The following NF1 variants were observed in gnomAD, a reference collection of about 807,000 sequenced individuals.
NF1 encodes the protein neurofibromin 1.
In NF1, 122 loss-of-function variants were observed where a neutral mutation model predicts 325.7. The observed-to-expected ratio is 0.37, with a 90% CI of 0.32 to 0.44. The LOEUF is 0.44. NF1 is among the 20% of genes least tolerant of loss of function. The pLI, the probability that NF1 is intolerant of heterozygous loss-of-function variation, is 1.00. For synonymous variants in NF1, 1,091 were observed against 1,186.0 expected (o/e 0.92, Z 1.65); for missense variants, 2,140 against 3,415.4 (o/e 0.63, Z 9.31).
At chr17:31,213,203 A>C (rs1264240870) in intron 12 of NF1, among the ~76,000 whole-genome samples, 1 of 152,222 alleles carries the variant, frequency 6.6e-6, no homozygotes, top group African/African-American at 2.4e-5. Context: ...GCAAACAGTA[A>C]AACCAGAATT....
At chr17:31,305,012 A>G (rs977492881) in intron 36 of NF1, 2 of 1,614,170 alleles carry the variant, frequency 1.2e-6, no homozygotes, top group Admixed American at 1.7e-5. Context: ...ATTGAATTAT[A>G]ATTGTTTTTT....
intron 1 of NF1, among the ~76,000 whole-genome samples, chr17:31,127,938 T>C (rs1348887695): frequency 2.0e-5 from 3 of 152,046 alleles, no homozygotes. Context: ...TTTTGTACAT[T>C]GACCTCTTCT....
chr17:31,105,796 G>A, intron 1 of NF1, among the ~76,000 whole-genome samples: 1 of 152,178 alleles, frequency 6.6e-6, no homozygotes, highest in Non-Finnish European at 1.5e-5. Flanking sequence ...TTACAGGCAT[G>A]AGCCACCGTG....
At chr17:31,258,952 A>C in intron 32 of NF1, 80 bp from the exon 33 acceptor site, 1 of 916,396 alleles carries the variant, frequency 1.1e-6, no homozygotes. Context: ...GAGAAAATTC[A>C]TGTTTTTAAA....
chr17:31,316,303 A>T (rs182279270), intron 36 of NF1, among the ~76,000 whole-genome samples: 101 of 152,314 alleles, frequency 6.6e-4, no homozygotes, highest in African/African-American at 2.3e-3. Context: ...CTTACCTACC[A>T]TTTTAAAATA....
chr17:31,318,919 T>TA, intron 36 of NF1: 1 of 1,614,074 alleles, frequency 6.2e-7, no homozygotes, highest in Admixed American at 1.7e-5. Context: ...CAGACGGGTA[T>TA]AGTTTGCTTT....
chr17:31,307,896 A>G, intron 36 of NF1: 1 of 1,289,242 alleles, frequency 7.8e-7, no homozygotes, highest in African/African-American at 1.5e-5. Context: ...CCTTTTCAGC[A>G]TATCTAAACA....
intron 1 of NF1, among the ~76,000 whole-genome samples, chr17:31,152,542 C>T (rs554360657): frequency 7.0e-6 from 1 of 142,270 alleles, no homozygotes; most frequent in African/African-American, 2.6e-5. Context: ...CTCCTTAGTC[C>T]CCCCTTTTTT....
At chr17:31,230,724 A>C (rs188677777) in intron 23 of NF1, 118 bp from the exon 24 acceptor site, 29 of 815,958 alleles carry the variant, frequency 3.6e-5, no homozygotes, top group Middle Eastern at 3.2e-4. Context: ...TAAAGTCGTC[A>C]TGTCACTTAG....
chr17:31,216,157 C>G (rs2066816279), intron 13 of NF1, among the ~76,000 whole-genome samples: 1 of 152,114 alleles, frequency 6.6e-6, no homozygotes, highest in Non-Finnish European at 1.5e-5. Context: ...CTATTTGTGG[C>G]ATTATTTCAT....
At chr17:31,342,978 T>C (rs757912901) in intron 47 of NF1, 31 bp from the exon 48 acceptor site, 146 of 1,613,606 alleles carry the variant, frequency 9.0e-5, no homozygotes, top group Non-Finnish European at 1.2e-4. Flanking sequence ...TGTGTGAACC[T>C]CATCAACCAT....
intron 36 of NF1, among the ~76,000 whole-genome samples, chr17:31,282,961 T>C (rs2151487101): frequency 6.6e-6 from 1 of 152,316 alleles, no homozygotes; most frequent in South Asian, 2.1e-4. Context: ...TTTTGATAAA[T>C]CCCTCCTTTT....
At position 31,235,901 on chromosome 17, in the gene NF1, T is replaced by C. The variant is rs772406340; in HGVS notation, c.3871-17T>C. 3 of 1,610,654 alleles carry C rather than the reference T, an allele frequency of 1.9e-6. No homozygotes were observed. The Admixed American group carries it at 5.0e-5, about 27-fold the overall frequency. On this transcript the variant is annotated splice_polypyrimidine_tract_variant and intron_variant, in intron 28 of 57. Transcript: ENST00000358273. The stretch of plus-strand genomic sequence containing the variant: ...ATGGAGCAGGTATAATAAACTCCTA[T>C]TCGTGCATTTCTGTAGGTATATGGT...
chr17:31,248,373 A>G (rs1432641681), intron 29 of NF1, among the ~76,000 whole-genome samples: 1 of 152,174 alleles, frequency 6.6e-6, no homozygotes, highest in Non-Finnish European at 1.5e-5. Flanking sequence ...ATTTTAAAGC[A>G]TATCTCAGAG....
At chr17:31,360,307 C>T in intron 56 of NF1, 180 bp from the exon 57 acceptor site, 1 of 623,658 alleles carries the variant, frequency 1.6e-6, no homozygotes, top group Non-Finnish European at 2.8e-6. Context: ...CTGAATAGAA[C>T]TCCCTGTTGT....
intron 36 of NF1, among the ~76,000 whole-genome samples, chr17:31,301,904 T>C (rs2068581037): frequency 6.6e-6 from 1 of 152,240 alleles, no homozygotes; most frequent in Non-Finnish European, 1.5e-5. Flanking sequence ...TCTTTTGCAG[T>C]ATTCATGAAA....
chr17:31,197,003 A>G (rs1410023500), intron 8 of NF1, among the ~76,000 whole-genome samples: 1 of 151,248 alleles, frequency 6.6e-6, no homozygotes, highest in Non-Finnish European at 1.5e-5. Flanking sequence ...AGTTTTGACT[A>G]TTATGCGGCT....
At chr17:31,323,810 C>T (rs1597827554) in intron 36 of NF1, among the ~76,000 whole-genome samples, 1 of 152,174 alleles carries the variant, frequency 6.6e-6, no homozygotes, top group East Asian at 1.9e-4. Flanking sequence ...GTAGCTTTCA[C>T]TGACTGCCCA....
intron 13 of NF1, among the ~76,000 whole-genome samples, chr17:31,218,795 C>T (rs1166035934): frequency 1.3e-5 from 2 of 151,982 alleles, no homozygotes; most frequent in African/African-American, 4.8e-5. Flanking sequence ...TGGTCTCAAA[C>T]TCCTGACTTC....
Sources: allele counts gnomAD v4.1 joint callset (sites outside exome capture counted in the v4.1 genomes callset), GRCh38; gene constraint gnomAD v4.1.1; transcripts MANE v1.5; gene names NCBI Gene and HGNC (gene_info 2026-07-23, HGNC 2026-07-21).